The following AFG1L variants were observed in gnomAD, a reference collection of about 807,000 sequenced individuals.
AFG1L encodes the protein AFG1 like ATPase, also known as AFG1-like ATPase.
AFG1L carries 53 observed loss-of-function variants against 62.2 expected under a neutral mutation model. That is an observed-to-expected ratio of 0.85 (90% CI 0.68 to 1.07). The LOEUF is 1.07. Ranked by LOEUF, AFG1L falls within the 50% of genes least tolerant of loss-of-function variation. The probability of loss-of-function intolerance (pLI) is 0.00; values close to 1 mark genes in which losing one functional copy is unlikely to be tolerated. For missense variants in AFG1L, 555 were observed against 590.5 expected, an observed-to-expected ratio of 0.94 and a Z score of 0.62; for synonymous variants, 228 against 210.3, an observed-to-expected ratio of 1.08 and a Z score of -0.73.
At chr6:108,367,354 T>C (rs749794629) in intron 6 of AFG1L, among the ~76,000 whole-genome samples, 5 of 152,020 alleles carry the variant, frequency 3.3e-5, no homozygotes, top group Non-Finnish European at 2.9e-5. Context: ...AGAGTGTGGG[T>C]ATGGGGTTTC....
intron 2 of AFG1L, among the ~76,000 whole-genome samples, chr6:108,344,602 AGACAAAGCCAAAAGCCTT>A (rs1778797489): frequency 6.6e-6 from 1 of 152,272 alleles, no homozygotes; most frequent in East Asian, 1.9e-4. Context: ...AAATAAAATA[AGACAAAGCCAAAAGCCTT>A]ATGGATGAGA....
rs554122703 is a variant in AFG1L at position 108,499,003 on chromosome 6, T to A, written c.1063-11209T>A. On this transcript the variant is annotated intron_variant, in intron 10 of 12. Coordinates refer to ENST00000368977, the MANE Select transcript of AFG1L (RefSeq NM_145315.5). Reference sequence around the variant, plus strand: ...ATATATATATACATGAAATATTGAATTTGAATAAAACTATCAAATAAAATG... The same window carrying A: ...ATATATATATACATGAAATATTGAAATTGAATAAAACTATCAAATAAAATG... Among the ~76,000 whole-genome samples, 5 of 152,148 alleles carry A rather than the reference T, an allele frequency of 3.3e-5. No homozygotes were observed. The South Asian group carries it at 1.0e-3, about 32-fold the overall frequency.
At chr6:108,318,304 C>T (rs971824793) in intron 1 of AFG1L, 20 of 391,550 alleles carry the variant, frequency 5.1e-5, no homozygotes, top group South Asian at 4.5e-4. Context: ...AGCTTGAATG[C>T]GTTGAGCCCA....
chr6:108,425,665 C>T (rs1770778683), intron 7 of AFG1L, among the ~76,000 whole-genome samples: 1 of 152,084 alleles, frequency 6.6e-6, no homozygotes. Flanking sequence ...GACATATATA[C>T]ATACACATAT....
intron 5 of AFG1L, among the ~76,000 whole-genome samples, chr6:108,364,239 G>A (rs1219814044): frequency 6.6e-6 from 1 of 152,144 alleles, no homozygotes; most frequent in East Asian, 1.9e-4. Context: ...GAACAAGTGC[G>A]GGGACAAGAT....
At chr6:108,502,632 A>G (rs1289247618) in intron 10 of AFG1L, among the ~76,000 whole-genome samples, 2 of 151,936 alleles carry the variant, frequency 1.3e-5, no homozygotes, top group African/African-American at 4.8e-5. Flanking sequence ...GAACCACCAT[A>G]CCCAACCTCT....
rs889974495 is a variant in AFG1L, at chr6:108,417,903, G to A, written c.807+15849G>A. ...GGCTGGAGTGCAGTGGTGCAATCTC[G>A]GCTCACTGCAAGCTCCACCTCCCGG... On this transcript the variant is annotated intron_variant, in intron 7 of 12. Coordinates refer to ENST00000368977, the MANE Select transcript of AFG1L (RefSeq NM_145315.5). 2.0e-5 allele frequency among the ~76,000 whole-genome samples: 3 copies of A among 151,662 alleles called. No homozygotes were observed. In the East Asian group the frequency reaches 5.8e-4, roughly 29 times the overall value.
At chr6:108,304,233 TTTAA>T (rs1444735144) in intron 1 of AFG1L, among the ~76,000 whole-genome samples, 3 of 152,236 alleles carry the variant, frequency 2.0e-5, no homozygotes, top group Non-Finnish European at 4.4e-5. Flanking sequence ...CTAAAGAAAG[TTTAA>T]TTAAGATTTG....
At chr6:108,306,601 C>G (rs985209212) in intron 1 of AFG1L, among the ~76,000 whole-genome samples, 1 of 152,182 alleles carries the variant, frequency 6.6e-6, no homozygotes, top group Non-Finnish European at 1.5e-5. Flanking sequence ...TTATATTTCT[C>G]CCATTCATTC....
At chr6:108,373,781 T>C (rs1780120882) in intron 6 of AFG1L, among the ~76,000 whole-genome samples, 1 of 152,098 alleles carries the variant, frequency 6.6e-6, no homozygotes, top group African/African-American at 2.4e-5. Flanking sequence ...TTTCACCATA[T>C]TGGCCAGACT....
chr6:108,309,716 A>G (rs1777331273), intron 1 of AFG1L, among the ~76,000 whole-genome samples: 2 of 152,214 alleles, frequency 1.3e-5, no homozygotes, highest in African/African-American at 2.4e-5. Flanking sequence ...AATATTTCCA[A>G]TGAAAATTTA....
At chr6:108,437,998 T>TGGCTGC (rs1446101307) in intron 7 of AFG1L, among the ~76,000 whole-genome samples, 1 of 152,224 alleles carries the variant, frequency 6.6e-6, no homozygotes, top group African/African-American at 2.4e-5. Flanking sequence ...CTTTTGGCTG[T>TGGCTGC]GGCTGCAGAA....
intron 6 of AFG1L, among the ~76,000 whole-genome samples, chr6:108,393,267 G>T (rs1781136516): frequency 6.6e-6 from 1 of 151,914 alleles, no homozygotes; most frequent in Non-Finnish European, 1.5e-5. Flanking sequence ...AATTTTGTTG[G>T]CTAAATAACA....
At chr6:108,431,264 C>T (rs754657340) in intron 7 of AFG1L, among the ~76,000 whole-genome samples, 7 of 151,864 alleles carry the variant, frequency 4.6e-5, no homozygotes, top group African/African-American at 7.2e-5. Flanking sequence ...CCACCACGCC[C>T]GGCTAATTTT....
intron 2 of AFG1L, among the ~76,000 whole-genome samples, chr6:108,324,836 G>A (rs1449016943): frequency 6.6e-6 from 1 of 152,042 alleles, no homozygotes; most frequent in African/African-American, 2.4e-5. Context: ...TGGGTAACAA[G>A]CGTGGACCAC....
chr6:108,485,617 C>T (rs1464458239), intron 10 of AFG1L, among the ~76,000 whole-genome samples: 2 of 65,140 alleles, frequency 3.1e-5, no homozygotes, highest in East Asian at 4.0e-4. Flanking sequence ...TTAAGAAATA[C>T]GAATTTAAAT....
intron 1 of AFG1L, among the ~76,000 whole-genome samples, chr6:108,307,596 G>C (rs1777253701): frequency 6.6e-6 from 1 of 152,056 alleles, no homozygotes; most frequent in Non-Finnish European, 1.5e-5. Context: ...TTTTTGTAGA[G>C]ATGGGGTCTC....
intron 7 of AFG1L, among the ~76,000 whole-genome samples, chr6:108,433,271 G>T (rs1582579748): frequency 6.6e-6 from 1 of 150,940 alleles, no homozygotes; most frequent in Non-Finnish European, 1.5e-5. Flanking sequence ...CTTTATTATT[G>T]TTATTATTAT....
At chr6:108,429,456 A>G (rs1005793199) in intron 7 of AFG1L, among the ~76,000 whole-genome samples, 2 of 152,188 alleles carry the variant, frequency 1.3e-5, no homozygotes, top group Non-Finnish European at 1.5e-5. Context: ...ACCCATCCCC[A>G]TGACTCAATT....
Sources: gnomAD v4.1 joint callset for allele counts (sites outside exome capture counted in the v4.1 genomes callset) on GRCh38, gnomAD v4.1.1 for gene constraint, MANE v1.5 for transcripts, NCBI Gene and HGNC (gene_info 2026-07-23, HGNC 2026-07-21) for gene names.